The following ST8SIA4 variants were observed in gnomAD, a reference collection of about 807,000 sequenced individuals.
The protein encoded by ST8SIA4 is CMP-N-acetylneuraminate-poly-alpha-2,8-sialyltransferase.
A neutral mutation model predicts 33.9 loss-of-function variants in ST8SIA4; 15 were observed. The ratio of observed to expected loss-of-function variants is 0.44; its 90% confidence interval spans 0.30 to 0.68. The LOEUF (loss-of-function observed/expected upper bound fraction) is 0.68, where lower values mean the gene tolerates loss of function less well. Ranked by LOEUF, ST8SIA4 falls within the 30% of genes least tolerant of loss-of-function variation. ST8SIA4 has a pLI of 0.10. For missense variants in ST8SIA4, 321 were observed against 428.0 expected (o/e 0.75, Z 2.21); for synonymous variants, 171 against 151.2 (o/e 1.13, Z -0.96).
chr5:100,843,796 A>C (rs1458034720), intron 4 of ST8SIA4, among the ~76,000 whole-genome samples: 1 of 151,918 alleles, frequency 6.6e-6, no homozygotes, highest in African/African-American at 2.4e-5. Flanking sequence ...TGCTCTGCAA[A>C]TTCCCAAAAC....
At position 100,854,158 on chromosome 5, in the gene ST8SIA4, C is replaced by T. The variant is rs190581473; in HGVS notation, c.797+1945G>A. ...TTTTTAAGAGTCAAATTGTAATTAC[C>T]AGGGATATTTGTAACTTAAAAAAAA... On this transcript the variant is annotated intron_variant, in intron 4 of 4. Transcript: ENST00000231461. 3.5e-3 allele frequency among the ~76,000 whole-genome samples: 523 copies of T among 150,132 alleles called. 1 individual carries two copies. Among genetic ancestry groups the T allele is most frequent in the African/African-American group, 0.012 (501 of 40,790 alleles).
At chr5:100,849,573 C>A (rs913421866) in intron 4 of ST8SIA4, 1 of 469,630 alleles carries the variant, frequency 2.1e-6, no homozygotes, top group African/African-American at 2.1e-5. Context: ...CCTGAGGTTG[C>A]AGTTCGAGAG....
intron 3 of ST8SIA4, among the ~76,000 whole-genome samples, chr5:100,876,061 C>G (rs533556446): frequency 1.3e-5 from 2 of 152,116 alleles, no homozygotes. Context: ...GTTAATAAAA[C>G]AAAGACATAA....
At chr5:100,836,995 AACACACACACACACACAC>A (rs143119843) in intron 4 of ST8SIA4, among the ~76,000 whole-genome samples, 2 of 146,400 alleles carry the variant, frequency 1.4e-5, no homozygotes, top group South Asian at 2.2e-4. Flanking sequence ...TTAGTGCTAA[AACACACACACACACACAC>A]ACACACACAC....
At chr5:100,847,515 G>A (rs1751594462) in intron 4 of ST8SIA4, among the ~76,000 whole-genome samples, 1 of 152,010 alleles carries the variant, frequency 6.6e-6, no homozygotes. Context: ...CATTTAAAAT[G>A]AATTTTTACA....
intron 2 of ST8SIA4, 57 bp from the exon 3 acceptor site, chr5:100,886,657 T>C: frequency 4.3e-6 from 6 of 1,386,752 alleles, no homozygotes; most frequent in Non-Finnish European, 6.1e-6. Flanking sequence ...CAAGAACTGA[T>C]GGTGTCATTT....
intron 3 of ST8SIA4, among the ~76,000 whole-genome samples, chr5:100,883,310 C>T (rs1752468245): frequency 6.6e-6 from 1 of 152,152 alleles, no homozygotes; most frequent in Non-Finnish European, 1.5e-5. Flanking sequence ...GGCCCTGTAA[C>T]CTTTTTGTTT....
In ST8SIA4 at chr5:100,808,352, A is replaced by G. The variant is rs535223000; in HGVS notation, c.*3495T>C. 3.3e-5 allele frequency: 5 copies of G among 152,808 alleles called. No homozygotes were observed. Among genetic ancestry groups the G allele is most frequent in the Non-Finnish European group, 7.3e-5 (5 of 68,028 alleles). The allele number at this position is 152,808 out of a possible 1,614,324, so 9.5% of individuals were successfully genotyped here. A position where few individuals can be genotyped will look rare whatever the true frequency, so the allele number is the denominator to read the frequency against. On this transcript the variant is annotated 3_prime_UTR_variant, in exon 5 of 5. Coordinates refer to ENST00000231461, the MANE Select transcript of ST8SIA4 (RefSeq NM_005668.6). ...GAATGCCCAGCACCTTCTTTCAGATAGAAAAACTTCCGCAGTAGTTTCAAC... is the reference window on the plus strand; with the variant it reads ...GAATGCCCAGCACCTTCTTTCAGATGGAAAAACTTCCGCAGTAGTTTCAAC...
intron 3 of ST8SIA4, among the ~76,000 whole-genome samples, chr5:100,861,006 T>C (rs1751927908): frequency 6.6e-6 from 1 of 152,154 alleles, no homozygotes; most frequent in African/African-American, 2.4e-5. Flanking sequence ...GATTTCAAAA[T>C]GATACTAGAA....
At chr5:100,824,334 A>T (rs1023564578) in intron 4 of ST8SIA4, among the ~76,000 whole-genome samples, 1 of 152,236 alleles carries the variant, frequency 6.6e-6, no homozygotes. Flanking sequence ...AGAGTGCTAG[A>T]GTATAAACTG....
At position 100,886,419 on chromosome 5, in the gene ST8SIA4, C is replaced by T. The variant is rs747762940; in HGVS notation, c.427G>A (p.Ala143Thr). The T allele has an allele frequency of 2.5e-6, 4 of 1,613,802 alleles. No homozygotes were observed. The highest frequency in any genetic ancestry group is 2.7e-5 in the African/African-American group (2 of 74,896). The change falls in exon 3 of 5, where the codon GCA (alanine) becomes ACA (threonine). Residue 143 changes from alanine (A) to threonine (T), a missense_variant. Coordinates refer to ENST00000231461, the MANE Select transcript of ST8SIA4 (RefSeq NM_005668.6). ...AGAATGCCAGAATTTCCAACAACTG[C>T]ACAGGTCTTAAACCTGCGATTCTTC... ...PMKNRRFKTC[A>T]VVGNSGILLD...
chr5:100,855,657 G>A (rs1022340969), intron 4 of ST8SIA4, among the ~76,000 whole-genome samples: 9 of 152,084 alleles, frequency 5.9e-5, no homozygotes, highest in Non-Finnish European at 1.3e-4. Context: ...GCATTTTATC[G>A]CAGCCAGCCT....
At chr5:100,824,510 G>A (rs1751098852) in intron 4 of ST8SIA4, among the ~76,000 whole-genome samples, 1 of 151,992 alleles carries the variant, frequency 6.6e-6, no homozygotes, top group Non-Finnish European at 1.5e-5. Context: ...AACTCTTTAA[G>A]GGATATCCAG....
intron 2 of ST8SIA4, among the ~76,000 whole-genome samples, chr5:100,892,712 A>G (rs529951284): frequency 2.6e-5 from 4 of 152,160 alleles, no homozygotes; most frequent in Non-Finnish European, 4.4e-5. Context: ...TTATAATGAT[A>G]GTTGAATCAG....
rs2112390191 is a variant in ST8SIA4, at chr5:100,809,887, A to G, written c.*1960T>C. ...ATATTCTATATCCCAAGGTTTTACTATATTAAAAAAATATGACATCTAATT... is the reference window on the plus strand; with the variant it reads ...ATATTCTATATCCCAAGGTTTTACTGTATTAAAAAAATATGACATCTAATT... On this transcript the variant is annotated 3_prime_UTR_variant, in exon 5 of 5. Transcript: ENST00000231461. 1 of 152,218 alleles carries G rather than the reference A, an allele frequency of 6.6e-6. No homozygotes were observed. Among genetic ancestry groups the G allele is most frequent in the South Asian group, 2.1e-4 (1 of 4,826 alleles). The allele number at this position is 152,218 out of a possible 1,614,324, so 9.4% of individuals were successfully genotyped here.
Position 100,863,632 on chromosome 5 carries a change from T to C in ST8SIA4, c.504-7236A>G, listed in dbSNP as rs896662788. Among the ~76,000 whole-genome samples the C allele has an allele frequency of 1.3e-5, 2 of 152,302 alleles. 1 individual carries two copies. ...ACAACTACACATAAACAAATGTTATTGCTGAAATAAAAAAATCTTCTTTAG... is the reference window on the plus strand; with the variant it reads ...ACAACTACACATAAACAAATGTTATCGCTGAAATAAAAAAATCTTCTTTAG... On this transcript the variant is annotated intron_variant, in intron 3 of 4. Coordinates refer to ENST00000231461, the MANE Select transcript of ST8SIA4 (RefSeq NM_005668.6).
At chr5:100,819,139 A>T (rs900939881) in intron 4 of ST8SIA4, among the ~76,000 whole-genome samples, 3 of 152,206 alleles carry the variant, frequency 2.0e-5, no homozygotes, top group African/African-American at 4.8e-5. Flanking sequence ...ATATATTATC[A>T]TCCCTACTTC....
At chr5:100,898,504 G>A (rs1752828403) in intron 1 of ST8SIA4, among the ~76,000 whole-genome samples, 1 of 152,140 alleles carries the variant, frequency 6.6e-6, no homozygotes, top group African/African-American at 2.4e-5. Flanking sequence ...TGCTTTCATT[G>A]AGCTGGTGAT....
At chr5:100,845,651 C>T (rs1028833672) in intron 4 of ST8SIA4, among the ~76,000 whole-genome samples, 19 of 151,638 alleles carry the variant, frequency 1.3e-4, no homozygotes, top group East Asian at 5.8e-4. Context: ...CCCTGTAGTT[C>T]GTTAATATAG....
Sources: allele counts gnomAD v4.1 joint callset (sites outside exome capture counted in the v4.1 genomes callset), GRCh38; gene constraint gnomAD v4.1.1; transcripts MANE v1.5; gene names NCBI Gene and HGNC (gene_info 2026-07-23, HGNC 2026-07-21).